Variants in TNR observed in about 807,000 individuals in gnomAD.
TNR encodes the protein tenascin R, also known as tenascin-R.
Under a neutral mutation model 150.4 loss-of-function variants are expected in TNR, and 45 were observed. The ratio of observed to expected loss-of-function variants is 0.30; its 90% CI spans 0.24 to 0.38. The LOEUF (loss-of-function observed/expected upper bound fraction) is 0.38. TNR is among the 10% of genes least tolerant of loss of function. TNR has a pLI of 1.00. For missense variants in TNR, 1,544 were observed against 1,759.1 expected (o/e 0.88, Z 2.19); for synonymous variants, 687 against 678.4 (o/e 1.01, Z -0.20).
At position 175,386,178 on chromosome 1, in the gene TNR, T is replaced by C; in HGVS notation, c.1631A>G (p.Glu544Gly). The part of the protein sequence containing the change: ...ILLKYGLVGG[E>G]GGRTTFRLQP... The stretch of plus-strand genomic sequence containing the variant: ...CAGCCGGAAGGTGGTCCTCCCACCT[T>C]CCCCGCCCACCAGGCCATATTTCAA... The change falls in exon 8 of 23, where the codon GAA becomes GGA. Residue 544 changes from glutamate to glycine, a missense_variant. Transcript: ENST00000367674. 1 of 1,612,350 alleles carries C rather than the reference T, an allele frequency of 6.2e-7. No homozygotes were observed. Among genetic ancestry groups the C allele is most frequent in the Non-Finnish European group, 8.5e-7 (1 of 1,178,860 alleles).
At chr1:175,674,512 A>T (rs979024603) in intron 1 of TNR, among the ~76,000 whole-genome samples, 2 of 152,192 alleles carry the variant, frequency 1.3e-5, no homozygotes, top group Non-Finnish European at 2.9e-5. Flanking sequence ...ACATGTGCAC[A>T]TGAATGTGCA....
intron 1 of TNR, among the ~76,000 whole-genome samples, chr1:175,679,995 A>G (rs1665980477): frequency 6.6e-6 from 1 of 152,144 alleles, no homozygotes; most frequent in Admixed American, 6.5e-5. Flanking sequence ...ATGATCATGT[A>G]GCCTCCACCT....
intron 1 of TNR, among the ~76,000 whole-genome samples, chr1:175,730,126 G>T (rs888775130): frequency 2.0e-5 from 3 of 152,004 alleles, no homozygotes; most frequent in African/African-American, 7.2e-5. Context: ...ACTACCGCCT[G>T]CATGAAGGCC....
intron 9 of TNR, among the ~76,000 whole-genome samples, chr1:175,370,207 C>T (rs6690336): frequency 0.58 from 88,639 of 151,972 alleles, 26,486 homozygotes; most frequent in East Asian, 0.7. Flanking sequence ...AGAATAAAAA[C>T]AGCATCTATA....
chr1:175,583,935 G>A (rs1662467523), intron 1 of TNR, among the ~76,000 whole-genome samples: 1 of 152,196 alleles, frequency 6.6e-6, no homozygotes, highest in South Asian at 2.1e-4. Context: ...CACACCAGAA[G>A]AGCCAGCACA....
At chr1:175,460,153 A>C (rs1284888575) in intron 2 of TNR, among the ~76,000 whole-genome samples, 1 of 152,096 alleles carries the variant, frequency 6.6e-6, no homozygotes, top group Non-Finnish European at 1.5e-5. Flanking sequence ...TTTGCCTTTC[A>C]GTGAAGGTGT....
At position 175,396,632 on chromosome 1, in the gene TNR, C is replaced by T; in HGVS notation, c.1152G>A (p.Glu384=). ...PGDWSGVTIT[E]LEPGLTYNIS... Reference sequence around the variant, plus strand: ...TGTTGTAGGTGAGACCTGGCTCCAGCTCCGTGATGGTGACACCACTCCAAT... The same window carrying T: ...TGTTGTAGGTGAGACCTGGCTCCAGTTCCGTGATGGTGACACCACTCCAAT... The change falls in exon 5 of 23, where the codon GAG becomes GAA. Residue 384 remains glutamate (E), a synonymous_variant. Coordinates refer to ENST00000367674, the MANE Select transcript of TNR (RefSeq NM_003285.3). 1 of 1,614,258 alleles carries T rather than the reference C, an allele frequency of 6.2e-7. No homozygotes were observed. The highest frequency in any genetic ancestry group is 1.1e-5 in the South Asian group (1 of 91,084).
chr1:175,717,389 C>T (rs866782013), intron 1 of TNR, among the ~76,000 whole-genome samples: 2 of 152,078 alleles, frequency 1.3e-5, no homozygotes, highest in African/African-American at 2.4e-5. Flanking sequence ...CTCAGCATCA[C>T]GCAATATACC....
At chr1:175,481,405 G>A (rs899895608) in intron 2 of TNR, among the ~76,000 whole-genome samples, 5 of 152,158 alleles carry the variant, frequency 3.3e-5, no homozygotes, top group Admixed American at 2.6e-4. Context: ...GATTTTGGGC[G>A]TAAGATTCTG....
chr1:175,691,651 G>A (rs1192524338), intron 1 of TNR, among the ~76,000 whole-genome samples: 1 of 152,072 alleles, frequency 6.6e-6, no homozygotes, highest in Admixed American at 6.5e-5. Context: ...CCCAAACTTG[G>A]TTTATTAATC....
chr1:175,430,812 T>C (rs1655229527), intron 2 of TNR, among the ~76,000 whole-genome samples: 1 of 152,194 alleles, frequency 6.6e-6, no homozygotes, highest in South Asian at 2.1e-4. Context: ...ATCTACCATA[T>C]AGACAAGAGG....
At chr1:175,563,610 C>A (rs1661518821) in intron 1 of TNR, among the ~76,000 whole-genome samples, 1 of 152,178 alleles carries the variant, frequency 6.6e-6, no homozygotes, top group Non-Finnish European at 1.5e-5. Context: ...ATTAGGGCAG[C>A]CTTACAAATC....
chr1:175,488,091 C>A (rs1571510293), intron 2 of TNR, among the ~76,000 whole-genome samples: 1 of 152,122 alleles, frequency 6.6e-6, no homozygotes, highest in East Asian at 1.9e-4. Context: ...CCACTCTGTG[C>A]AAACTGTGAG....
intron 1 of TNR, among the ~76,000 whole-genome samples, chr1:175,603,903 C>T (rs74127355): frequency 0.1 from 15,794 of 152,226 alleles, 1,050 homozygotes; most frequent in East Asian, 0.35. Context: ...GCCTGAGAAA[C>T]GATTCCAGCT....
At chr1:175,478,083 G>A (rs977071743) in intron 2 of TNR, among the ~76,000 whole-genome samples, 4 of 152,018 alleles carry the variant, frequency 2.6e-5, no homozygotes, top group African/African-American at 4.8e-5. Context: ...CAAATAGAGG[G>A]GCACACATTT....
chr1:175,632,040 C>T (rs956821618), intron 1 of TNR, among the ~76,000 whole-genome samples: 21 of 152,280 alleles, frequency 1.4e-4, no homozygotes, highest in African/African-American at 5.1e-4. Context: ...GAAGTAAATA[C>T]CATCAAAGTG....
intron 13 of TNR, among the ~76,000 whole-genome samples, chr1:175,363,338 T>C (rs1442188448): frequency 1.3e-5 from 2 of 152,252 alleles, no homozygotes; most frequent in African/African-American, 4.8e-5. Flanking sequence ...CTGGCTTTGC[T>C]GGGTCTTTAG....
intron 21 of TNR, among the ~76,000 whole-genome samples, chr1:175,329,024 G>T (rs1286277821): frequency 5.9e-5 from 9 of 152,176 alleles, no homozygotes; most frequent in Non-Finnish European, 4.4e-5. Flanking sequence ...TTTGTTGGGG[G>T]CACTTCAGGC....
intron 1 of TNR, among the ~76,000 whole-genome samples, chr1:175,668,388 T>C (rs1665593128): frequency 6.6e-6 from 1 of 152,052 alleles, no homozygotes; most frequent in Non-Finnish European, 1.5e-5. Flanking sequence ...CAGGCTCTGT[T>C]TCCTGCCAAC....
Sources: gnomAD v4.1 joint callset for allele counts (sites outside exome capture counted in the v4.1 genomes callset) on GRCh38, gnomAD v4.1.1 for gene constraint, MANE v1.5 for transcripts, NCBI Gene and HGNC (gene_info 2026-07-23, HGNC 2026-07-21) for gene names.